RFT1: variants seen among roughly 807,000 people sequenced by gnomAD.
RFT1 encodes man(5)GlcNAc(2)-PP-dolichol translocation protein RFT1.
Under a neutral mutation model 62.2 loss-of-function variants are expected in RFT1, and 43 were observed. The observed-to-expected ratio is 0.69, with a 90% CI of 0.54 to 0.89. The LOEUF (loss-of-function observed/expected upper bound fraction) is 0.89. Among genes scored for constraint, RFT1 ranks in the 40% least tolerant of loss-of-function variants. The pLI, the probability that RFT1 is intolerant of heterozygous loss-of-function variation, is 0.00. For synonymous variants in RFT1, 262 were observed against 264.6 expected (o/e 0.99, Z 0.10); for missense variants, 605 against 649.9 (o/e 0.93, Z 0.75).
chr3:53,071,716 C>A, the RFT1 span, among the ~76,000 whole-genome samples: 1 of 152,200 alleles, frequency 6.6e-6, no homozygotes, highest in Non-Finnish European at 1.5e-5. Context: ...TTGGGACAAC[C>A]AAAATCAGCC....
intron 1 of RFT1, among the ~76,000 whole-genome samples, chr3:53,129,123 A>G (rs1195523908): frequency 6.6e-6 from 1 of 152,252 alleles, no homozygotes; most frequent in Non-Finnish European, 1.5e-5. Context: ...AGAAAAAAAA[A>G]ATCCCTAGGT....
At chr3:53,103,718 T>C (rs1701380396) in intron 10 of RFT1, 3 of 550,494 alleles carry the variant, frequency 5.4e-6, no homozygotes, top group Non-Finnish European at 6.6e-6. Flanking sequence ...GAAGTCCTAA[T>C]AACTTCTCCA....
intron 7 of RFT1, among the ~76,000 whole-genome samples, chr3:53,107,949 G>C (rs4282053): frequency 0.26 from 39,606 of 152,100 alleles, 5,572 homozygotes; most frequent in Middle Eastern, 0.39. Flanking sequence ...CTGTGTTTGT[G>C]GTAGGGACCA....
the RFT1 span, among the ~76,000 whole-genome samples, chr3:53,067,565 G>A: frequency 6.6e-6 from 1 of 152,136 alleles, no homozygotes; most frequent in East Asian, 1.9e-4. Context: ...TCGGGGTCAC[G>A]GTTACACAGG....
intron 5 of RFT1, 48 bp downstream of exon 5, chr3:53,121,651 G>T: frequency 6.9e-7 from 1 of 1,441,146 alleles, no homozygotes; most frequent in Non-Finnish European, 9.7e-7. Context: ...AGAAAAACCA[G>T]TTGGAGAAAC....
At position 53,105,674 on chromosome 3, in the gene RFT1, T is replaced by C. The variant is rs777941484; in HGVS notation, c.956A>G (p.Gln319Arg). 2 of 1,613,526 alleles carry C rather than the reference T, an allele frequency of 1.2e-6. No individual in the cohort carries two copies. The highest frequency in any genetic ancestry group is 1.1e-5 in the South Asian group (1 of 91,074). Residue 319 changes from glutamine (Q) to arginine (R), a missense_variant and splice_region_variant, in exon 9 of 13, where the codon CAG becomes CGG. Physicochemically the swap from Gln to Arg is conservative, Grantham distance 43 (BLOSUM62 1). Transcript: ENST00000296292. Reference sequence around the variant, plus strand: ...AGATGACATAAGAACCAACATTACCTGCTTCTGAAGTGTGGCATCCTTTCC... The same window carrying C: ...AGATGACATAAGAACCAACATTACCCGCTTCTGAAGTGTGGCATCCTTTCC... ...ERGKDATLQK[Q>R]EDVAVAAAVL...
chr3:53,092,426 T>C lies in RFT1; in HGVS notation c.1401A>G (p.Leu467=), dbSNP rs138028490. 27 of 1,610,214 alleles carry C rather than the reference T, an allele frequency of 1.7e-5. No homozygotes were observed. The African/African-American group carries it at 2.3e-4, about 14-fold the overall frequency. ...SPHRPLAGLH[L]SPVLLGTFAL... is the part of the protein sequence containing the mutation. The stretch of plus-strand genomic sequence containing the variant: ...CAAATGTCCCGAGCAGGACTGGCGA[T>C]AGGTGCAGGCCAGCCAGGGGCCTGT... Residue 467 remains leucine, a synonymous_variant, in exon 12 of 13, where the codon CTA becomes CTG. Transcript: ENST00000296292.
intron 2 of RFT1, 151 bp from the exon 3 acceptor site, chr3:53,123,991 C>T: frequency 3.0e-6 from 2 of 658,834 alleles, no homozygotes; most frequent in Non-Finnish European, 5.5e-6. Flanking sequence ...GGACCCCCTA[C>T]CGGTCTGATC....
rs1347204063 is a variant in RFT1 at position 53,123,635 on chromosome 3, T to C, written c.266+89A>G. 2.9e-6 allele frequency: 3 copies of C among 1,031,516 alleles called. No homozygotes were observed. The African/African-American group carries it at 4.7e-5, about 16-fold the overall frequency. The allele number at this position is 1,031,516 out of a possible 1,614,324, so 63.9% of individuals were successfully genotyped here. A position where few individuals can be genotyped will look rare whatever the true frequency, so the allele number is the denominator to read the frequency against. ...ATGACGAAACTGAATCTGGGGGCAATTCAGCTTTAGGCACGTGTTACTGTT... is the reference window on the plus strand; with the variant it reads ...ATGACGAAACTGAATCTGGGGGCAACTCAGCTTTAGGCACGTGTTACTGTT... On this transcript the variant is annotated intron_variant, in intron 3 of 12. Transcript: ENST00000296292.
intron 11 of RFT1, among the ~76,000 whole-genome samples, chr3:53,096,883 T>C (rs1285663658): frequency 1.3e-5 from 2 of 151,972 alleles, no homozygotes; most frequent in East Asian, 3.9e-4. Flanking sequence ...TAGCTGGGAT[T>C]ACAGGCGTGC....
chr3:53,122,270 C>G, intron 4 of RFT1, 104 bp downstream of exon 4: 1 of 1,096,410 alleles, frequency 9.1e-7, no homozygotes, highest in Non-Finnish European at 1.4e-6. Context: ...TTTTTAGGTG[C>G]AAGTCTGGAA....
the RFT1 span, among the ~76,000 whole-genome samples, chr3:53,077,421 G>T: frequency 1.3e-5 from 2 of 152,228 alleles, no homozygotes; most frequent in African/African-American, 4.8e-5. Flanking sequence ...ATAAGGGGCT[G>T]CACCCCATGC....
chr3:53,121,854 G>A lies in RFT1; in HGVS notation c.457-54C>T, dbSNP rs1701978461. ...ACAAACATCATCAAAAAGTCAAGATGTAATGGAATGATAGACAGAAAATCT... is the reference window on the plus strand; with the variant it reads ...ACAAACATCATCAAAAAGTCAAGATATAATGGAATGATAGACAGAAAATCT... On this transcript the variant is annotated intron_variant, in intron 4 of 12. Transcript: ENST00000296292. 1.3e-5 allele frequency: 18 copies of A among 1,421,194 alleles called. No homozygotes were observed. The South Asian group carries it at 2.1e-4, about 17-fold the overall frequency. The allele number at this position is 1,421,194 out of a possible 1,614,324, so 88.0% of individuals were successfully genotyped here. A position where few individuals can be genotyped will look rare whatever the true frequency, so the allele number is the denominator to read the frequency against.
chr3:53,128,834 GCT>G (rs1011748217), intron 1 of RFT1, among the ~76,000 whole-genome samples: 1 of 152,124 alleles, frequency 6.6e-6, no homozygotes, highest in African/African-American at 2.4e-5. Context: ...TAACAAAAAG[GCT>G]CTCTCACATC....
chr3:53,070,398 T>C, the RFT1 span, among the ~76,000 whole-genome samples: 4 of 133,116 alleles, frequency 3.0e-5, no homozygotes, highest in African/African-American at 1.1e-4. Flanking sequence ...TTATGGTTTT[T>C]TTTTTTTTTT....
chr3:53,097,012 T>A (rs1013784415), intron 11 of RFT1, among the ~76,000 whole-genome samples: 9 of 152,210 alleles, frequency 5.9e-5, no homozygotes, highest in Non-Finnish European at 1.0e-4. Flanking sequence ...CCCAAAGTGC[T>A]GGGATTACAG....
chr3:53,094,855 T>C (rs963370061), intron 11 of RFT1, among the ~76,000 whole-genome samples: 4 of 152,104 alleles, frequency 2.6e-5, no homozygotes, highest in African/African-American at 9.7e-5. Context: ...ATGGGGTCCA[T>C]TGTCTGCCAC....
the RFT1 span, among the ~76,000 whole-genome samples, chr3:53,067,481 G>A: frequency 1.3e-5 from 2 of 152,310 alleles, no homozygotes; most frequent in Middle Eastern, 3.4e-3. Flanking sequence ...AGGTGAGAAC[G>A]GTGGTTACTT....
intron 11 of RFT1, among the ~76,000 whole-genome samples, chr3:53,094,086 G>A (rs1270687066): frequency 6.6e-6 from 1 of 152,090 alleles, no homozygotes; most frequent in Non-Finnish European, 1.5e-5. Flanking sequence ...AGGTGTGGGA[G>A]GAGGTCCTAG....
Sources: gnomAD v4.1 joint callset for allele counts (sites outside exome capture counted in the v4.1 genomes callset) on GRCh38, gnomAD v4.1.1 for gene constraint, MANE v1.5 for transcripts, NCBI Gene and HGNC (gene_info 2026-07-23, HGNC 2026-07-21) for gene names.